Variants in PZP observed in about 807,000 individuals in gnomAD.
PZP encodes PZP alpha-2-macroglobulin like.
In PZP, 150 loss-of-function variants were observed where a neutral mutation model predicts 179.8. The ratio of observed to expected loss-of-function variants is 0.83; its 90% CI spans 0.73 to 0.96. PZP has a LOEUF of 0.96. Ranked by LOEUF, PZP falls within the 40% of genes least tolerant of loss-of-function variation. The probability of loss-of-function intolerance (pLI) is 0.00; values close to 1 mark genes in which losing one functional copy is unlikely to be tolerated. For missense variants in PZP, 1,689 were observed against 1,764.0 expected (o/e 0.96, Z 0.76); for synonymous variants, 624 against 652.3 (o/e 0.96, Z 0.66).
Position 9,186,643 on chromosome 12 carries a change from C to T in PZP, c.1547-4526G>A, listed in dbSNP as rs1366692264. ...TAGACTGGATAAAGAAAATGTGGCA[C>T]ATATACACCATGGAATACTATGCAG... is the stretch of plus-strand genomic sequence containing the variant. On this transcript the variant is annotated intron_variant, in intron 13 of 35. Coordinates refer to ENST00000261336, the MANE Select transcript of PZP (RefSeq NM_002864.3). Among the ~76,000 whole-genome samples the T allele has an allele frequency of 2.6e-5, 4 of 151,946 alleles. No individual in the cohort carries two copies. The East Asian group carries it at 5.8e-4, about 22-fold the overall frequency.
rs1237599786 is a variant in PZP, at chr12:9,194,139, G to A, written c.1192C>T (p.Gln398Ter). The change falls in exon 11 of 36, where the codon CAG (glutamine) becomes TAG (stop). Residue 398 changes from glutamine to a stop codon, truncating the protein, a stop_gained. Transcript: ENST00000261336. LOFTEE classifies it high-confidence loss of function. ...NYYSNATTNE[Q>*]GLAQFSINTT... ...TTGATTGAAAACTGTGCAAGACCCTGCTCATTGGTGGTTGCATTGGAGTAA... is the reference window on the plus strand; with the variant it reads ...TTGATTGAAAACTGTGCAAGACCCTACTCATTGGTGGTTGCATTGGAGTAA... 8 of 1,613,874 alleles carry A rather than the reference G, an allele frequency of 5.0e-6. No homozygotes were observed. Among genetic ancestry groups the A allele is most frequent in the South Asian group, 3.3e-5 (3 of 91,062 alleles).
chr12:9,187,392 T>C (rs990720164), intron 13 of PZP, among the ~76,000 whole-genome samples: 4 of 152,186 alleles, frequency 2.6e-5, no homozygotes, highest in African/African-American at 9.6e-5. Flanking sequence ...TCTTCTCAAC[T>C]GCACACGGCA....
chr12:9,165,929 C>A, intron 18 of PZP, 123 bp downstream of exon 18: 1 of 1,237,222 alleles, frequency 8.1e-7, no homozygotes, highest in Non-Finnish European at 1.1e-6. Context: ...TAGGTCTATC[C>A]TAAAGAGGAA....
chr12:9,151,826 T>C (rs1940378054), intron 32 of PZP, among the ~76,000 whole-genome samples, 154 bp from the exon 33 acceptor site: 1 of 152,204 alleles, frequency 6.6e-6, no homozygotes, highest in Non-Finnish European at 1.5e-5. Flanking sequence ...TTCTTCAATA[T>C]CCAAGTAACA....
the PZP span, among the ~76,000 whole-genome samples, chr12:9,139,136 A>G: frequency 4.0e-5 from 6 of 151,736 alleles, no homozygotes; most frequent in South Asian, 4.2e-4. Context: ...TTTTGTTTTC[A>G]TTTGTATTAA....
intron 15 of PZP, among the ~76,000 whole-genome samples, chr12:9,171,865 A>T (rs891401193): frequency 1.3e-5 from 2 of 152,224 alleles, no homozygotes; most frequent in African/African-American, 4.8e-5. Flanking sequence ...CCTATGACTG[A>T]TTGGGATCCT....
intron 24 of PZP, 32 bp from the exon 25 acceptor site, chr12:9,160,057 G>A: frequency 1.3e-6 from 2 of 1,583,476 alleles, no homozygotes; most frequent in Non-Finnish European, 8.7e-7. Context: ...TGTTCATGAA[G>A]CATTAAAGAA....
chr12:9,182,148 T>TCATAAGTGAGACAAAATGGC (rs2120976146), intron 13 of PZP, 31 bp from the exon 14 acceptor site: 2 of 1,607,488 alleles, frequency 1.2e-6, no homozygotes, highest in Non-Finnish European at 1.7e-6. Flanking sequence ...GACAAAATGG[T>TCATAAGTGAGACAAAATGGC]CATAAGTGAG....
chr12:9,168,715 C>T lies in PZP; in HGVS notation c.2107+154G>A, dbSNP rs147442162. Reference sequence around the variant, plus strand: ...ATCTCTGATCAGTTCTAGCTATCACCAGCTAAGTCACCTCAGCAAGAAACA... The same window carrying T: ...ATCTCTGATCAGTTCTAGCTATCACTAGCTAAGTCACCTCAGCAAGAAACA... On this transcript the variant is annotated intron_variant, in intron 17 of 35. Transcript: ENST00000261336. 1.3e-4 allele frequency: 83 copies of T among 626,130 alleles called. 1 individual carries two copies. The East Asian group carries it at 2.0e-3, about 15-fold the overall frequency. The allele number at this position is 626,130 out of a possible 1,614,324, so 38.8% of individuals were successfully genotyped here. A position where few individuals can be genotyped will look rare whatever the true frequency, so the allele number is the denominator to read the frequency against.
In PZP at chr12:9,166,177, T is replaced by C. The variant is rs1321238729; in HGVS notation, c.2133A>G (p.Pro711=). Residue 711 remains proline, a synonymous_variant, in exon 18 of 36, where the codon CCA becomes CCG. Transcript: ENST00000261336. ...TATATGTGCCTAATTGAGGAACATA[T>C]GGTCTCTCTACTACTCCTAGACCTG... The part of the protein sequence containing the change: ...YGAGLGVVER[P]YVPQLGTYNV... The C allele has an allele frequency of 1.2e-6, 2 of 1,613,572 alleles. No homozygotes were observed. The highest frequency in any genetic ancestry group is 4.5e-5 in the East Asian group (2 of 44,866).
At chr12:9,142,726 C>T in the PZP span, among the ~76,000 whole-genome samples, 1 of 151,930 alleles carries the variant, frequency 6.6e-6, no homozygotes, top group Non-Finnish European at 1.5e-5. Context: ...TGGGTGAGGC[C>T]CTTTAAGAAC....
rs372875977 is a variant in PZP, at chr12:9,154,831, C to T, written c.3559G>A (p.Val1187Ile). 1.9e-5 allele frequency: 30 copies of T among 1,613,566 alleles called. No homozygotes were observed. In the East Asian group the frequency reaches 4.7e-4, roughly 25 times the overall value. ...DKEAVKEDNL[V>I]HWERPQRPKA... ...GGTCTCTGAGGGCGCTCCCAATGGA[C>T]GAGGTTGTCTTAAGGGTGAGAAAAA... Residue 1187 changes from valine (V) to isoleucine (I), a missense_variant, in exon 29 of 36, where the codon GTC becomes ATC. Transcript: ENST00000261336.
At chr12:9,192,063 G>A (rs1943486220) in intron 13 of PZP, 130 bp downstream of exon 13, 4 of 725,696 alleles carry the variant, frequency 5.5e-6, no homozygotes, top group Non-Finnish European at 9.6e-6. Context: ...GTCATAAGAC[G>A]AGTATTTTCC....
At chr12:9,160,839 C>T (rs866672396) in intron 23 of PZP, among the ~76,000 whole-genome samples, 194 bp downstream of exon 23, 5 of 151,388 alleles carry the variant, frequency 3.3e-5, no homozygotes, top group Non-Finnish European at 4.4e-5. Context: ...GGCGTGAACC[C>T]AGGAGGCGGA....
chr12:9,141,981 T>A, the PZP span, among the ~76,000 whole-genome samples: 2 of 152,214 alleles, frequency 1.3e-5, no homozygotes, highest in Non-Finnish European at 2.9e-5. Flanking sequence ...ACTTTTAAAT[T>A]GTACAACATT....
At chr12:9,189,016 A>C (rs192416388) in intron 13 of PZP, among the ~76,000 whole-genome samples, 1 of 152,324 alleles carries the variant, frequency 6.6e-6, no homozygotes, top group East Asian at 1.9e-4. Context: ...CAAATGGAAA[A>C]AATATTCCAT....
At chr12:9,136,568 G>T in the PZP span, among the ~76,000 whole-genome samples, 1 of 152,012 alleles carries the variant, frequency 6.6e-6, no homozygotes, top group Non-Finnish European at 1.5e-5. Context: ...TATATAATAT[G>T]CATATACATA....
chr12:9,185,952 CGT>C, intron 13 of PZP, among the ~76,000 whole-genome samples: 1 of 151,824 alleles, frequency 6.6e-6, no homozygotes, highest in East Asian at 1.9e-4. Context: ...GGACTACAGG[CGT>C]GCACCATCAC....
At chr12:9,137,356 C>G in the PZP span, among the ~76,000 whole-genome samples, 1 of 152,016 alleles carries the variant, frequency 6.6e-6, no homozygotes, top group African/African-American at 2.4e-5. Flanking sequence ...TGCATTTATT[C>G]CTGAGATCTC....
Sources: gnomAD v4.1 joint callset for allele counts (sites outside exome capture counted in the v4.1 genomes callset) on GRCh38, gnomAD v4.1.1 for gene constraint, MANE v1.5 for transcripts, NCBI Gene and HGNC (gene_info 2026-07-23, HGNC 2026-07-21) for gene names.